Variants in SLC2A13 observed in about 807,000 individuals in gnomAD.
The protein encoded by SLC2A13 is proton myo-inositol cotransporter.
Under a neutral mutation model 64.4 loss-of-function variants are expected in SLC2A13, and 32 were observed. The ratio of observed to expected loss-of-function variants is 0.50; its 90% CI spans 0.37 to 0.67. The LOEUF is 0.67. Among genes scored for constraint, SLC2A13 ranks in the 30% least tolerant of loss-of-function variants. SLC2A13 has a pLI of 0.00. For synonymous variants in SLC2A13, 338 were observed against 327.1 expected (o/e 1.03, Z -0.36); for missense variants, 743 against 829.2 (o/e 0.90, Z 1.28).
chr12:39,783,205 C>A (rs1268188375), intron 7 of SLC2A13, among the ~76,000 whole-genome samples: 1 of 152,120 alleles, frequency 6.6e-6, no homozygotes, highest in Non-Finnish European at 1.5e-5. Context: ...TGAACTCATC[C>A]TTTTTTATAG....
At chr12:39,972,672 A>G (rs975870980) in intron 3 of SLC2A13, among the ~76,000 whole-genome samples, 1 of 152,230 alleles carries the variant, frequency 6.6e-6, no homozygotes, top group Non-Finnish European at 1.5e-5. Context: ...AGTATCATTC[A>G]TAGTAAAATA....
At chr12:39,953,235 A>C (rs187701285) in intron 3 of SLC2A13, among the ~76,000 whole-genome samples, 34 of 152,308 alleles carry the variant, frequency 2.2e-4, no homozygotes, top group Admixed American at 1.4e-3. Flanking sequence ...GAGATAAGCT[A>C]TTGCATAAAC....
At chr12:40,063,871 T>C (rs192312782) in intron 1 of SLC2A13, among the ~76,000 whole-genome samples, 87 of 152,314 alleles carry the variant, frequency 5.7e-4, no homozygotes, top group African/African-American at 1.9e-3. Context: ...ACACAAAATA[T>C]ATCAAACTTC....
chr12:39,938,630 C>G (rs1264951422), intron 4 of SLC2A13, among the ~76,000 whole-genome samples: 1 of 150,640 alleles, frequency 6.6e-6, no homozygotes, highest in Non-Finnish European at 1.5e-5. Flanking sequence ...CATTTGTTAG[C>G]ATGAATCTCC....
chr12:39,974,481 A>T (rs1202045776), intron 3 of SLC2A13, among the ~76,000 whole-genome samples: 2 of 152,230 alleles, frequency 1.3e-5, no homozygotes, highest in Non-Finnish European at 2.9e-5. Context: ...TGGACAAGGC[A>T]TACACTCAAC....
chr12:39,857,981 C>G (rs1943650162), intron 6 of SLC2A13, among the ~76,000 whole-genome samples: 1 of 152,082 alleles, frequency 6.6e-6, no homozygotes, highest in South Asian at 2.1e-4. Flanking sequence ...AACAAAAAAC[C>G]AAGGTTTGGG....
At chr12:39,928,980 C>T (rs1198690213) in intron 4 of SLC2A13, among the ~76,000 whole-genome samples, 1 of 152,168 alleles carries the variant, frequency 6.6e-6, no homozygotes, top group Non-Finnish European at 1.5e-5. Context: ...ATCCTTTGCC[C>T]TCCCCACACA....
At chr12:39,914,152 G>A (rs965402080) in intron 4 of SLC2A13, among the ~76,000 whole-genome samples, 2 of 152,036 alleles carry the variant, frequency 1.3e-5, no homozygotes, top group Non-Finnish European at 2.9e-5. Context: ...CTGAATGACA[G>A]TGAGAGTTCT....
intron 4 of SLC2A13, among the ~76,000 whole-genome samples, chr12:39,947,959 C>T (rs570065578): frequency 9.9e-4 from 151 of 152,158 alleles, no homozygotes; most frequent in Non-Finnish European, 1.6e-3. Context: ...CGCGCCTGGC[C>T]GAGAATTTCT....
At chr12:39,907,263 C>A (rs982845900) in intron 4 of SLC2A13, among the ~76,000 whole-genome samples, 1 of 152,076 alleles carries the variant, frequency 6.6e-6, no homozygotes, top group Non-Finnish European at 1.5e-5. Flanking sequence ...TGATAATCCA[C>A]CCACATGCAA....
chr12:39,792,449 G>T (rs1479095620), intron 7 of SLC2A13, among the ~76,000 whole-genome samples: 2 of 152,142 alleles, frequency 1.3e-5, no homozygotes, highest in Admixed American at 6.5e-5. Flanking sequence ...ACATTCTTTT[G>T]TTTTCATACT....
In SLC2A13 at chr12:39,928,533, C is replaced by A. The variant is rs143183799; in HGVS notation, c.1034+22724G>T. Among the ~76,000 whole-genome samples, 111 of 152,226 alleles carry A rather than the reference C, an allele frequency of 7.3e-4. 2 individuals carry two copies. The highest frequency in any genetic ancestry group is 3.5e-4 in the Non-Finnish European group (24 of 68,022). On this transcript the variant is annotated intron_variant, in intron 4 of 9. Transcript: ENST00000280871. Reference sequence around the variant, plus strand: ...CTTAAAAAATTAAGGATATTAAATGCGTAACTGGTTAAAAAATAAGCAACA... The same window carrying A: ...CTTAAAAAATTAAGGATATTAAATGAGTAACTGGTTAAAAAATAAGCAACA...
intron 3 of SLC2A13, among the ~76,000 whole-genome samples, chr12:40,005,529 C>A (rs1947400316): frequency 1.3e-5 from 2 of 152,034 alleles, no homozygotes; most frequent in South Asian, 4.2e-4. Context: ...AGAGTGATAC[C>A]TAAATCTGAA....
intron 7 of SLC2A13, among the ~76,000 whole-genome samples, chr12:39,783,027 C>A (rs142680671): frequency 3.3e-5 from 5 of 152,158 alleles, no homozygotes; most frequent in Admixed American, 2.0e-4. Context: ...CCGCTCCCCC[C>A]ACCCCACGAC....
chr12:39,803,359 C>G (rs959974892), intron 7 of SLC2A13, among the ~76,000 whole-genome samples: 1 of 152,038 alleles, frequency 6.6e-6, no homozygotes, highest in African/African-American at 2.4e-5. Context: ...CAGTAGATGA[C>G]AGCAGTGGAT....
At chr12:39,970,940 T>G (rs7966222) in intron 3 of SLC2A13, among the ~76,000 whole-genome samples, 52,194 of 151,990 alleles carry the variant, frequency 0.34, 9,165 homozygotes, top group Middle Eastern at 0.39. Flanking sequence ...ACGGACTGCA[T>G]TTTTCTTTCC....
At chr12:39,788,193 C>G (rs1389071997) in intron 7 of SLC2A13, among the ~76,000 whole-genome samples, 1 of 152,096 alleles carries the variant, frequency 6.6e-6, no homozygotes, top group Non-Finnish European at 1.5e-5. Context: ...GATGCTGTGT[C>G]ATTTTCCTAC....
chr12:39,932,019 G>C (rs1337201131), intron 4 of SLC2A13, among the ~76,000 whole-genome samples: 1 of 151,958 alleles, frequency 6.6e-6, no homozygotes, highest in African/African-American at 2.4e-5. Flanking sequence ...AACAGACCTT[G>C]CACAATATAA....
chr12:39,891,599 T>C (rs1005590604), intron 4 of SLC2A13, among the ~76,000 whole-genome samples: 4 of 152,184 alleles, frequency 2.6e-5, no homozygotes, highest in Non-Finnish European at 5.9e-5. Context: ...AGGCAGGAAC[T>C]TGGAAATAAT....
Sources: gnomAD v4.1 joint callset for allele counts (sites outside exome capture counted in the v4.1 genomes callset) on GRCh38, gnomAD v4.1.1 for gene constraint, MANE v1.5 for transcripts, NCBI Gene and HGNC (gene_info 2026-07-23, HGNC 2026-07-21) for gene names.